The following TMEM132C variants were observed in gnomAD, a reference collection of about 807,000 sequenced individuals.
TMEM132C encodes the protein transmembrane protein 132C.
In TMEM132C, 29 loss-of-function variants were observed where a neutral mutation model predicts 61.4. That is an observed-to-expected ratio of 0.47 (90% CI 0.35 to 0.64). TMEM132C has a LOEUF of 0.64. Among genes scored for constraint, TMEM132C ranks in the 30% least tolerant of loss-of-function variants. TMEM132C has a pLI of 0.00. For synonymous variants in TMEM132C, 656 were observed against 633.1 expected, an observed-to-expected ratio of 1.04 and a Z score of -0.54; for missense variants, 1,408 against 1,476.9, an observed-to-expected ratio of 0.95 and a Z score of 0.76.
At chr12:128,388,561 G>C (rs1874663627) in intron 1 of TMEM132C, among the ~76,000 whole-genome samples, 1 of 152,232 alleles carries the variant, frequency 6.6e-6, no homozygotes, top group Admixed American at 6.5e-5. Flanking sequence ...TGCTTCCCTG[G>C]AGAAGGTGTC....
intron 3 of TMEM132C, among the ~76,000 whole-genome samples, chr12:128,593,720 C>G (rs1223703786): frequency 6.6e-6 from 1 of 152,178 alleles, no homozygotes; most frequent in Non-Finnish European, 1.5e-5. Flanking sequence ...TTACGGGTCC[C>G]CATCTCTTTC....
chr12:128,652,441 G>A (rs894455790), intron 4 of TMEM132C, among the ~76,000 whole-genome samples: 6 of 152,198 alleles, frequency 3.9e-5, no homozygotes, highest in African/African-American at 1.4e-4. Context: ...AAGGGTCAGC[G>A]ATGAGGGTCA....
intron 2 of TMEM132C, among the ~76,000 whole-genome samples, chr12:128,471,095 C>T (rs1870935590): frequency 6.6e-6 from 1 of 152,128 alleles, no homozygotes; most frequent in African/African-American, 2.4e-5. Flanking sequence ...TGTTTACCAG[C>T]ATCTCTGGTC....
rs78307759 is a variant in TMEM132C at position 128,371,215 on chromosome 12, C to T, written c.86-43517C>T. 6.0e-3 allele frequency among the ~76,000 whole-genome samples: 916 copies of T among 152,254 alleles called. 12 individuals carry two copies. The highest frequency in any genetic ancestry group is 0.021 in the African/African-American group (872 of 41,512). On this transcript the variant is annotated intron_variant, in intron 1 of 8. Coordinates refer to ENST00000435159, the MANE Select transcript of TMEM132C (RefSeq NM_001136103.3). Reference sequence around the variant, plus strand: ...TGGTGTGTGGATAGTGTTGCCTGACCTACTTAAAATCTATTTTCCCTTTTT... The same window carrying T: ...TGGTGTGTGGATAGTGTTGCCTGACTTACTTAAAATCTATTTTCCCTTTTT...
At chr12:128,672,423 A>G (rs1475075038) in intron 5 of TMEM132C, among the ~76,000 whole-genome samples, 2 of 152,194 alleles carry the variant, frequency 1.3e-5, no homozygotes, top group Non-Finnish European at 2.9e-5. Context: ...ACAACCCAAA[A>G]TTTATCACAG....
Position 128,592,027 on chromosome 12 carries a change from G to A in TMEM132C, c.1122-24125G>A, listed in dbSNP as rs137891313. Among the ~76,000 whole-genome samples, 17 of 148,474 alleles carry A rather than the reference G, an allele frequency of 1.1e-4. No individual in the cohort carries two copies. In the East Asian group the frequency reaches 3.0e-3, roughly 26 times the overall value. On this transcript the variant is annotated intron_variant, in intron 3 of 8. Coordinates refer to ENST00000435159, the MANE Select transcript of TMEM132C (RefSeq NM_001136103.3). The stretch of plus-strand genomic sequence containing the variant: ...AGATTGTGTCACTGCACTCCAACCT[G>A]GGCGACAGAGTGAGACTCAAAAAAA...
intron 1 of TMEM132C, among the ~76,000 whole-genome samples, chr12:128,328,991 T>G (rs1872601768): frequency 6.6e-6 from 1 of 152,098 alleles, no homozygotes; most frequent in South Asian, 2.1e-4. Context: ...TTCCTTACCC[T>G]TGGTTTCCAT....
intron 2 of TMEM132C, among the ~76,000 whole-genome samples, chr12:128,416,246 G>A (rs1593045739): frequency 2.0e-5 from 3 of 152,080 alleles, no homozygotes; most frequent in Admixed American, 6.5e-5. Flanking sequence ...TCACCATGGC[G>A]GGTTCAACAG....
chr12:128,309,106 A>G (rs1871884696), intron 1 of TMEM132C, among the ~76,000 whole-genome samples: 1 of 152,054 alleles, frequency 6.6e-6, no homozygotes, highest in Non-Finnish European at 1.5e-5. Flanking sequence ...CCTTTCAGTG[A>G]TCTCCCGTGA....
chr12:128,587,525 G>A (rs1476493461), intron 3 of TMEM132C, among the ~76,000 whole-genome samples: 1 of 152,198 alleles, frequency 6.6e-6, no homozygotes, highest in Non-Finnish European at 1.5e-5. Flanking sequence ...ATTTATCCGG[G>A]GGACAGTGAA....
Position 128,444,946 on chromosome 12 carries a change from G to T in TMEM132C, c.974+29326G>T, listed in dbSNP as rs537650008. ...GGAGATAGGCGAGACTAAAAGGAAG[G>T]TGTTTGAACCTTGTACGGAGGTTTA... On this transcript the variant is annotated intron_variant, in intron 2 of 8. Transcript: ENST00000435159. 2.6e-5 allele frequency among the ~76,000 whole-genome samples: 4 copies of T among 152,286 alleles called. No individual in the cohort carries two copies. The South Asian group carries it at 6.2e-4, about 24-fold the overall frequency.
chr12:128,660,211 A>G (rs527257299), intron 4 of TMEM132C, among the ~76,000 whole-genome samples: 5 of 152,238 alleles, frequency 3.3e-5, no homozygotes, highest in African/African-American at 1.2e-4. Context: ...TGAAAGGAAG[A>G]TGGTGTCACT....
At chr12:128,283,175 G>A (rs182336105) in intron 1 of TMEM132C, among the ~76,000 whole-genome samples, 1 of 152,256 alleles carries the variant, frequency 6.6e-6, no homozygotes, top group East Asian at 1.9e-4. Flanking sequence ...TACTATAACT[G>A]TTTATTTTGA....
At chr12:128,457,073 T>A (rs538312468) in intron 2 of TMEM132C, among the ~76,000 whole-genome samples, 4 of 152,314 alleles carry the variant, frequency 2.6e-5, no homozygotes, top group African/African-American at 9.6e-5. Flanking sequence ...CAGTTTGGGC[T>A]ATTATGCATA....
intron 2 of TMEM132C, among the ~76,000 whole-genome samples, chr12:128,433,458 G>C (rs1443658616): frequency 1.3e-5 from 2 of 152,108 alleles, no homozygotes; most frequent in Non-Finnish European, 2.9e-5. Flanking sequence ...TGAATTATTT[G>C]CTTAAATAAA....
At chr12:128,681,069 C>A (rs1201340721) in intron 5 of TMEM132C, among the ~76,000 whole-genome samples, 1 of 152,138 alleles carries the variant, frequency 6.6e-6, no homozygotes, top group East Asian at 1.9e-4. Flanking sequence ...CTGCCAGATC[C>A]TATCATTCCT....
At position 128,564,974 on chromosome 12, in the gene TMEM132C, G is replaced by C. The variant is rs543886297; in HGVS notation, c.1121+20871G>C. Reference sequence around the variant, plus strand: ...ATTATGGGATATTGTTATGGAGAATGGTCTGAGAAAGATAATAATTATTAT... The same window carrying C: ...ATTATGGGATATTGTTATGGAGAATCGTCTGAGAAAGATAATAATTATTAT... On this transcript the variant is annotated intron_variant, in intron 3 of 8. Transcript: ENST00000435159. 2.6e-5 allele frequency among the ~76,000 whole-genome samples: 4 copies of C among 152,154 alleles called. No individual in the cohort carries two copies. In the East Asian group the frequency reaches 7.7e-4, roughly 29 times the overall value.
rs1593049681 is a variant in TMEM132C, at chr12:128,427,548, G to C, written c.974+11928G>C. Among the ~76,000 whole-genome samples the C allele has an allele frequency of 4.6e-5, 7 of 152,132 alleles. 1 individual carries two copies. In the South Asian group the frequency reaches 1.5e-3, roughly 32 times the overall value. ...AGGCAGGCTGTGGGTCTCAGGCTCA[G>C]CCTAGGACACTTCCCCCAGGGCTGG... On this transcript the variant is annotated intron_variant, in intron 2 of 8. Coordinates refer to ENST00000435159, the MANE Select transcript of TMEM132C (RefSeq NM_001136103.3).
At chr12:128,600,468 T>C (rs575613833) in intron 3 of TMEM132C, among the ~76,000 whole-genome samples, 2 of 152,328 alleles carry the variant, frequency 1.3e-5, no homozygotes, top group African/African-American at 4.8e-5. Flanking sequence ...GTCTTGGGTA[T>C]GTCTTTATTA....
Sources: gnomAD v4.1 joint callset for allele counts (sites outside exome capture counted in the v4.1 genomes callset) on GRCh38, gnomAD v4.1.1 for gene constraint, MANE v1.5 for transcripts, NCBI Gene and HGNC (gene_info 2026-07-23, HGNC 2026-07-21) for gene names.